The following SPAG16 variants were observed in gnomAD, a reference collection of about 807,000 sequenced individuals.
SPAG16 encodes the protein sperm-associated antigen 16 protein.
A neutral mutation model predicts 80.4 loss-of-function variants in SPAG16; 86 were observed. The observed-to-expected ratio is 1.07, with a 90% confidence interval of 0.90 to 1.28. The LOEUF (loss-of-function observed/expected upper bound fraction) is 1.28. SPAG16 is among the 50% of genes most tolerant of loss of function. The pLI is 0.00. For synonymous variants in SPAG16, 294 were observed against 265.9 expected, an observed-to-expected ratio of 1.11 and a Z score of -1.03; for missense variants, 870 against 765.3, an observed-to-expected ratio of 1.14 and a Z score of -1.61.
chr2:213,839,037 T>C (rs914562265), intron 10 of SPAG16, among the ~76,000 whole-genome samples: 1 of 152,184 alleles, frequency 6.6e-6, no homozygotes, highest in Non-Finnish European at 1.5e-5. Flanking sequence ...TTTCCAAGGT[T>C]TGTCATAGAA....
intron 10 of SPAG16, among the ~76,000 whole-genome samples, chr2:213,799,731 T>C (rs1035629317): frequency 2.0e-5 from 3 of 152,142 alleles, no homozygotes; most frequent in African/African-American, 4.8e-5. Flanking sequence ...AAACTTGTTA[T>C]AGGACTTATC....
chr2:213,526,345 T>G (rs1254984342), intron 10 of SPAG16, among the ~76,000 whole-genome samples: 1 of 152,192 alleles, frequency 6.6e-6, no homozygotes, highest in Non-Finnish European at 1.5e-5. Flanking sequence ...TTGTACAACC[T>G]TTTTTCCTGG....
intron 15 of SPAG16, among the ~76,000 whole-genome samples, chr2:214,341,087 A>T (rs1033551328): frequency 5.9e-5 from 9 of 152,188 alleles, no homozygotes; most frequent in African/African-American, 9.7e-5. Context: ...CCCCCAAAAA[A>T]TTTTTTTGCA....
intron 9 of SPAG16, among the ~76,000 whole-genome samples, chr2:213,463,860 A>G (rs2072523949): frequency 6.6e-6 from 1 of 152,222 alleles, no homozygotes; most frequent in Non-Finnish European, 1.5e-5. Context: ...AGTGGCTCCC[A>G]GCAGCTTCTT....
At chr2:213,349,207 T>A (rs2065189238) in intron 6 of SPAG16, among the ~76,000 whole-genome samples, 1 of 152,154 alleles carries the variant, frequency 6.6e-6, no homozygotes, top group Non-Finnish European at 1.5e-5. Flanking sequence ...TAAATTGAAA[T>A]TGATGGCTTT....
intron 15 of SPAG16, among the ~76,000 whole-genome samples, chr2:214,346,239 T>C (rs1035025988): frequency 6.6e-6 from 1 of 151,746 alleles, no homozygotes; most frequent in African/African-American, 2.4e-5. Context: ...CATTTTATTA[T>C]AGTTTAAATG....
intron 15 of SPAG16, among the ~76,000 whole-genome samples, chr2:214,208,447 G>A (rs567739765): frequency 9.9e-4 from 150 of 152,258 alleles, no homozygotes; most frequent in African/African-American, 3.5e-3. Flanking sequence ...CATGAACTGT[G>A]TAGACATGCT....
At chr2:213,929,159 G>A (rs1045681958) in intron 11 of SPAG16, among the ~76,000 whole-genome samples, 29 of 151,520 alleles carry the variant, frequency 1.9e-4, no homozygotes, top group East Asian at 1.6e-3. Flanking sequence ...GATTACAGGC[G>A]CACGCCACCA....
At chr2:213,880,494 C>A (rs985282239) in intron 11 of SPAG16, among the ~76,000 whole-genome samples, 2 of 152,150 alleles carry the variant, frequency 1.3e-5, no homozygotes, top group Non-Finnish European at 2.9e-5. Flanking sequence ...TCTCACTTGT[C>A]AATTTCTGTG....
rs557632435 is a variant in SPAG16 at position 213,817,660 on chromosome 2, G to T, written c.1071-44825G>T. ...TAGAATACTATACAGCCATGAAAAA[G>T]AATGAAATCGTGTCCTTTGCAACTG... is the stretch of plus-strand genomic sequence containing the variant. On this transcript the variant is annotated intron_variant, in intron 10 of 15. Transcript: ENST00000331683. Among the ~76,000 whole-genome samples, 3 of 152,162 alleles carry T rather than the reference G, an allele frequency of 2.0e-5. No homozygotes were observed. The South Asian group carries it at 6.2e-4, about 32-fold the overall frequency.
At chr2:213,709,077 G>T (rs902490778) in intron 10 of SPAG16, among the ~76,000 whole-genome samples, 4 of 152,090 alleles carry the variant, frequency 2.6e-5, no homozygotes, top group African/African-American at 9.7e-5. Flanking sequence ...AGACACTTTG[G>T]TAAAAGGTCC....
At position 213,791,166 on chromosome 2, in the gene SPAG16, C is replaced by A. The variant is rs114155536; in HGVS notation, c.1071-71319C>A. Among the ~76,000 whole-genome samples the A allele has an allele frequency of 5.1e-3, 780 of 151,614 alleles. 3 individuals carry two copies. The highest frequency in any genetic ancestry group is 9.0e-3 in the Non-Finnish European group (613 of 67,840). On this transcript the variant is annotated intron_variant, in intron 10 of 15. Coordinates refer to ENST00000331683, the MANE Select transcript of SPAG16 (RefSeq NM_024532.5). The stretch of plus-strand genomic sequence containing the variant: ...TTTGATTGCCAAATTTCTTTTAGAG[C>A]AAAACTAATATAGAAATCCTTACAG...
At chr2:213,797,299 T>A (rs2071105173) in intron 10 of SPAG16, among the ~76,000 whole-genome samples, 1 of 152,198 alleles carries the variant, frequency 6.6e-6, no homozygotes, top group Non-Finnish European at 1.5e-5. Flanking sequence ...TCTACAGTAA[T>A]GTACAGTAGT....
At chr2:213,396,802 C>G (rs1301575060) in intron 9 of SPAG16, 1 of 329,204 alleles carries the variant, frequency 3.0e-6, no homozygotes, top group East Asian at 8.7e-5. Context: ...ACACCCATAC[C>G]CTTTATCTGT....
chr2:213,321,725 G>T (rs1280834387), intron 5 of SPAG16, among the ~76,000 whole-genome samples: 1 of 152,074 alleles, frequency 6.6e-6, no homozygotes, highest in Non-Finnish European at 1.5e-5. Flanking sequence ...TATAAATATA[G>T]ATTATCTGTC....
rs74474192 is a variant in SPAG16 at position 213,878,868 on chromosome 2, C to A, written c.1214+16240C>A. Among the ~76,000 whole-genome samples the A allele has an allele frequency of 1.6e-3, 239 of 152,182 alleles. 3 individuals are homozygous for A. The East Asian group carries it at 0.041, about 26-fold the overall frequency. On this transcript the variant is annotated intron_variant, in intron 11 of 15. Coordinates refer to ENST00000331683, the MANE Select transcript of SPAG16 (RefSeq NM_024532.5). ...TCCAGCTTTATTCTTCTGCATATAG[C>A]AATCCAGTTTTCCCAGCACCATTTT...
chr2:213,303,861 G>A (rs1408179337), intron 3 of SPAG16, among the ~76,000 whole-genome samples: 1 of 152,014 alleles, frequency 6.6e-6, no homozygotes. Flanking sequence ...ATATATTTTC[G>A]ATATACTGAT....
chr2:213,306,220 T>C (rs1275920037), intron 3 of SPAG16, among the ~76,000 whole-genome samples: 3 of 151,208 alleles, frequency 2.0e-5, no homozygotes, highest in African/African-American at 7.3e-5. Flanking sequence ...TATTTGAGTC[T>C]ACTTTAAAAA....
At chr2:214,092,913 TC>T (rs1190495345) in intron 13 of SPAG16, among the ~76,000 whole-genome samples, 1 of 149,776 alleles carries the variant, frequency 6.7e-6, no homozygotes, top group South Asian at 2.1e-4. Flanking sequence ...TGATTCTTCA[TC>T]CCAGCAGCTC....
Sources: allele counts gnomAD v4.1 joint callset (sites outside exome capture counted in the v4.1 genomes callset), GRCh38; gene constraint gnomAD v4.1.1; transcripts MANE v1.5; gene names NCBI Gene and HGNC (gene_info 2026-07-23, HGNC 2026-07-21).